GLRA3: variants seen among roughly 807,000 people sequenced by gnomAD.
GLRA3 encodes glycine receptor subunit alpha-3.
A neutral mutation model predicts 60.4 loss-of-function variants in GLRA3; 44 were observed. The observed-to-expected ratio is 0.73, with a 90% confidence interval of 0.57 to 0.94. GLRA3 has a LOEUF of 0.94. Ranked by LOEUF, GLRA3 falls within the 40% of genes least tolerant of loss-of-function variation. The pLI is 0.00. For missense variants in GLRA3, 508 were observed against 564.6 expected (o/e 0.90, Z 1.02); for synonymous variants, 223 against 192.9 (o/e 1.16, Z -1.29).
At chr4:174,666,896 C>T (rs182399853) in intron 7 of GLRA3, among the ~76,000 whole-genome samples, 16 of 151,714 alleles carry the variant, frequency 1.1e-4, no homozygotes, top group African/African-American at 3.6e-4. Flanking sequence ...TTCTCCGTAT[C>T]TACCCCTCCA....
chr4:174,679,599 A>G (rs1734263616), intron 6 of GLRA3, among the ~76,000 whole-genome samples: 1 of 152,178 alleles, frequency 6.6e-6, no homozygotes, highest in African/African-American at 2.4e-5. Context: ...TTGAAGCCCT[A>G]TTCACAATAG....
intron 5 of GLRA3, among the ~76,000 whole-genome samples, chr4:174,691,865 G>A (rs1296984774): frequency 6.6e-6 from 1 of 151,710 alleles, no homozygotes; most frequent in Non-Finnish European, 1.5e-5. Context: ...CGTCTGGGAT[G>A]TGAGGAGCCC....
chr4:174,740,799 T>C (rs1027050772), intron 3 of GLRA3, among the ~76,000 whole-genome samples: 1 of 152,214 alleles, frequency 6.6e-6, no homozygotes, highest in Non-Finnish European at 1.5e-5. Flanking sequence ...AAGCCAGTGA[T>C]GCCTTCTTCA....
intron 3 of GLRA3, among the ~76,000 whole-genome samples, chr4:174,762,773 G>A (rs929322556): frequency 3.3e-5 from 5 of 151,992 alleles, no homozygotes; most frequent in African/African-American, 1.2e-4. Flanking sequence ...ACACAAGTCT[G>A]CAGTGTCCAT....
chr4:174,643,873 G>A lies in GLRA3; in HGVS notation c.1308C>T (p.Phe436=), dbSNP rs1294461257. 2.5e-6 allele frequency: 4 copies of A among 1,614,060 alleles called. No homozygotes were observed. In the Admixed American group the frequency reaches 5.0e-5, roughly 20 times the overall value. ...KKIDTISRAC[F]PLAFLIFNIF... The stretch of plus-strand genomic sequence containing the variant: ...TATTAAAAATCAAAAAAGCTAATGG[G>A]AAGCAGGCTCGGGAGATGGTATCAA... The change falls in exon 10 of 10, where the codon TTC becomes TTT. Residue 436 remains phenylalanine, a synonymous_variant. Coordinates refer to ENST00000274093, the MANE Select transcript of GLRA3 (RefSeq NM_006529.4).
chr4:174,643,937 T>G lies in GLRA3; in HGVS notation c.1244A>C (p.Asp415Ala). 2 of 1,614,096 alleles carry G rather than the reference T, an allele frequency of 1.2e-6. No homozygotes were observed. Among genetic ancestry groups the G allele is most frequent in the Non-Finnish European group, 1.7e-6 (2 of 1,179,994 alleles). ...HPVQVMPKSP[D>A]EMRKVFIDRA... The stretch of plus-strand genomic sequence containing the variant: ...GTCGATAAAGACCTTCCTCATTTCA[T>G]CAGGACTTTTTGGCATTACCTGGAC... The change falls in exon 10 of 10, where the codon GAT becomes GCT. Residue 415 changes from aspartate (D) to alanine (A), a missense_variant. Physicochemically the swap from Asp to Ala is moderately radical, Grantham distance 126. Coordinates refer to ENST00000274093, the MANE Select transcript of GLRA3 (RefSeq NM_006529.4).
Position 174,709,964 on chromosome 4 carries a change from TTTC to T in GLRA3, c.574+5521_574+5523del, listed in dbSNP as rs1199891515. Among the ~76,000 whole-genome samples the T allele has an allele frequency of 3.6e-4, 51 of 140,810 alleles. 1 individual carries two copies. Among genetic ancestry groups the T allele is most frequent in the African/African-American group, 1.1e-3 (43 of 39,870 alleles). The allele number at this position is 140,810 out of a possible 152,430, so 92.4% of individuals were successfully genotyped here. On this transcript the variant is annotated intron_variant, in intron 5 of 9. Coordinates refer to ENST00000274093, the MANE Select transcript of GLRA3 (RefSeq NM_006529.4). Reference sequence around the variant, plus strand: ...ATATTGAAGAAAACATAATGTTGATTTTCTTTTTTTTTTTTTTACCTTTAATGA... The same window carrying T: ...ATATTGAAGAAAACATAATGTTGATTTTTTTTTTTTTTTTACCTTTAATGA...
At chr4:174,689,158 C>G (rs1278666588) in intron 5 of GLRA3, among the ~76,000 whole-genome samples, 1 of 152,110 alleles carries the variant, frequency 6.6e-6, no homozygotes, top group Admixed American at 6.5e-5. Context: ...ACAAACCTGT[C>G]TAATTAAAAT....
intron 9 of GLRA3, 61 bp from the exon 10 acceptor site, chr4:174,644,125 T>G: frequency 1.1e-6 from 1 of 933,460 alleles, no homozygotes; most frequent in South Asian, 1.6e-5. Context: ...ATAACAGGCA[T>G]CTCAGAATCA....
chr4:174,652,786 G>A (rs747727866), intron 9 of GLRA3, among the ~76,000 whole-genome samples: 14 of 152,084 alleles, frequency 9.2e-5, no homozygotes, highest in Non-Finnish European at 1.9e-4. Context: ...ACATGATACT[G>A]TATATTAACA....
At chr4:174,715,459 A>G (rs1735878788) in intron 5 of GLRA3, 29 bp downstream of exon 5, 2 of 1,018,362 alleles carry the variant, frequency 2.0e-6, no homozygotes, top group Admixed American at 3.8e-5. Context: ...ATGTAAAAGT[A>G]TTTTAAAAAG....
intron 5 of GLRA3, among the ~76,000 whole-genome samples, chr4:174,709,284 G>T (rs543767304): frequency 3.9e-5 from 6 of 152,018 alleles, no homozygotes; most frequent in African/African-American, 1.2e-4. Context: ...ATCAAGAACT[G>T]CACATAAAAA....
chr4:174,722,492 G>C (rs953809472), intron 4 of GLRA3: 1 of 152,098 alleles, frequency 6.6e-6, no homozygotes, highest in African/African-American at 2.4e-5. Context: ...CTATGTTGAC[G>C]TAGGTTTCCA....
At chr4:174,722,048 C>CTATCTA (rs752669100) in intron 4 of GLRA3, among the ~76,000 whole-genome samples, 10 of 152,118 alleles carry the variant, frequency 6.6e-5, no homozygotes, top group South Asian at 2.1e-4. Flanking sequence ...ATCTGTATAT[C>CTATCTA]TATCTATATC....
At chr4:174,797,332 C>T (rs1162972604) in intron 1 of GLRA3, among the ~76,000 whole-genome samples, 2 of 152,140 alleles carry the variant, frequency 1.3e-5, no homozygotes, top group South Asian at 2.1e-4. Flanking sequence ...TTGACTTTTT[C>T]GAATAGTCTT....
At chr4:174,724,526 T>C (rs1412390325) in intron 4 of GLRA3, among the ~76,000 whole-genome samples, 1 of 152,180 alleles carries the variant, frequency 6.6e-6, no homozygotes. Flanking sequence ...ATCTGTCTTA[T>C]AATTTTTGCT....
intron 5 of GLRA3, among the ~76,000 whole-genome samples, chr4:174,700,227 T>G (rs1735253202): frequency 1.3e-5 from 2 of 152,320 alleles, no homozygotes; most frequent in Non-Finnish European, 2.9e-5. Flanking sequence ...TTATTGAGCT[T>G]TTCTTTATTG....
At chr4:174,699,103 T>C (rs988163222) in intron 5 of GLRA3, among the ~76,000 whole-genome samples, 4 of 151,920 alleles carry the variant, frequency 2.6e-5, no homozygotes, top group African/African-American at 4.8e-5. Context: ...GTTCAAGTGA[T>C]TCTCCTGTCT....
In GLRA3 at chr4:174,641,732, T is replaced by G. The variant is rs559338593; in HGVS notation, c.*2054A>C. 9.9e-5 allele frequency: 15 copies of G among 152,170 alleles called. No homozygotes were observed. The highest frequency in any genetic ancestry group is 3.4e-4 in the African/African-American group (14 of 41,574). The allele number at this position is 152,170 out of a possible 1,614,324, so 9.4% of individuals were successfully genotyped here. On this transcript the variant is annotated 3_prime_UTR_variant, in exon 10 of 10. Transcript: ENST00000274093. Reference sequence around the variant, plus strand: ...AGTAAGCATGTTTGCATTCATTATATTTCTGTTTGCTCCTGGCAGAATTCA... The same window carrying G: ...AGTAAGCATGTTTGCATTCATTATAGTTCTGTTTGCTCCTGGCAGAATTCA...
Sources: allele counts gnomAD v4.1 joint callset (sites outside exome capture counted in the v4.1 genomes callset), GRCh38; gene constraint gnomAD v4.1.1; transcripts MANE v1.5; gene names NCBI Gene and HGNC (gene_info 2026-07-23, HGNC 2026-07-21).